VWA3A: variants seen among roughly 807,000 people sequenced by gnomAD.
VWA3A encodes von Willebrand factor A domain-containing protein 3A.
A neutral mutation model predicts 160.4 loss-of-function variants in VWA3A; 134 were observed. The observed-to-expected ratio is 0.84, with a 90% CI of 0.73 to 0.96. VWA3A has a LOEUF of 0.96. Among genes scored for constraint, VWA3A ranks in the 40% least tolerant of loss-of-function variants. The pLI is 0.00. For missense variants in VWA3A, 1,310 were observed against 1,447.9 expected (o/e 0.90, Z 1.55); for synonymous variants, 476 against 543.4 (o/e 0.88, Z 1.72).
chr16:22,104,960 A>G (rs796100487), intron 6 of VWA3A, among the ~76,000 whole-genome samples: 1 of 151,698 alleles, frequency 6.6e-6, no homozygotes, highest in African/African-American at 2.4e-5. Flanking sequence ...CCTACTCCCA[A>G]TCCCCACCTC....
intron 1 of VWA3A, among the ~76,000 whole-genome samples, chr16:22,093,870 C>T (rs527917943): frequency 2.0e-5 from 3 of 152,148 alleles, no homozygotes; most frequent in South Asian, 4.2e-4. Flanking sequence ...GCTCAAGTGA[C>T]CTGCCCACCC....
At chr16:22,150,015 T>C in intron 29 of VWA3A, 84 bp downstream of exon 29, 1 of 1,470,812 alleles carries the variant, frequency 6.8e-7, no homozygotes. Flanking sequence ...CTTTAGGATT[T>C]ACAAAGGGCG....
intron 24 of VWA3A, 66 bp from the exon 25 acceptor site, chr16:22,142,602 T>C (rs2046171281): frequency 7.8e-7 from 1 of 1,278,976 alleles, no homozygotes; most frequent in Non-Finnish European, 1.1e-6. Flanking sequence ...GGGGATCACA[T>C]TTCATGAGGT....
Position 22,092,556 on chromosome 16 carries a change from G to C in VWA3A, c.-82G>C. ...CTTCGCTGCTGAGTTGCTTGGAGGAGCTTGGAGAAACCAGAAGTGAGATCC... is the reference window on the plus strand; with the variant it reads ...CTTCGCTGCTGAGTTGCTTGGAGGACCTTGGAGAAACCAGAAGTGAGATCC... On this transcript the variant is annotated 5_prime_UTR_variant, in exon 1 of 34. Transcript: ENST00000389398. 1 of 1,531,380 alleles carries C rather than the reference G, an allele frequency of 6.5e-7. No individual in the cohort carries two copies. Among genetic ancestry groups the C allele is most frequent in the Non-Finnish European group, 8.8e-7 (1 of 1,133,048 alleles). 94.9% of individuals were successfully genotyped at this position (1,531,380 alleles called of 1,614,324 possible).
At position 22,115,361 on chromosome 16, in the gene VWA3A, A is replaced by C; in HGVS notation, c.704A>C (p.Lys235Thr). 6.3e-7 allele frequency: 1 copy of C among 1,597,788 alleles called. No homozygotes were observed. The highest frequency in any genetic ancestry group is 8.5e-7 in the Non-Finnish European group (1 of 1,172,210). Residue 235 changes from lysine (K) to threonine (T), a missense_variant, in exon 9 of 34, where the codon AAG becomes ACG. Physicochemically the swap from Lys to Thr is moderately conservative, Grantham distance 78. Transcript: ENST00000389398. ...EVSASTLQEL[K>T]LWVKTLQPDG... ...TCTCCTCCCAGCCTCCAGGAACTTA[A>C]GCTCTGGGTAAAGACGCTGCAGCCT...
chr16:22,131,394 C>G, intron 18 of VWA3A, 115 bp downstream of exon 18: 3 of 1,428,472 alleles, frequency 2.1e-6, no homozygotes, highest in Non-Finnish European at 2.9e-6. Context: ...TGACCCCAAA[C>G]AGCCATGGGC....
At chr16:22,131,018 G>C (rs927937992) in intron 17 of VWA3A, among the ~76,000 whole-genome samples, 187 bp from the exon 18 acceptor site, 2 of 152,194 alleles carry the variant, frequency 1.3e-5, no homozygotes, top group Admixed American at 1.3e-4. Context: ...ACTGTGTCTT[G>C]GCTGAAGTAT....
intron 31 of VWA3A, among the ~76,000 whole-genome samples, chr16:22,153,738 ATTTTTT>A (rs66519465): frequency 1.5e-5 from 2 of 132,568 alleles, no homozygotes; most frequent in Non-Finnish European, 3.1e-5. Flanking sequence ...ACATGGCATA[ATTTTTT>A]TTTTTTTTTT....
chr16:22,148,290 C>T lies in VWA3A; in HGVS notation c.2968C>T (p.Arg990Trp), dbSNP rs762549262. Residue 990 changes from arginine (R) to tryptophan (W), a missense_variant, in exon 28 of 34, where the codon CGG (arginine) becomes TGG (tryptophan). By Grantham distance (101) the Arg-to-Trp change is moderately radical. Transcript: ENST00000389398. ...GGTTTTGCTGATTTGGGAACAGCTG[C>T]GGAAGTGCTGTGACAGGTAGGAGGC... ...ELVLLIWEQLRKCCDSFNLLS... is the reference protein window; with the variant it reads ...ELVLLIWEQLWKCCDSFNLLS... 36 of 1,595,976 alleles carry T rather than the reference C, an allele frequency of 2.3e-5. No individual in the cohort carries two copies. The highest frequency in any genetic ancestry group is 9.4e-5 in the African/African-American group (7 of 74,578).
chr16:22,094,187 T>C (rs916665412), intron 1 of VWA3A, among the ~76,000 whole-genome samples: 1 of 152,134 alleles, frequency 6.6e-6, no homozygotes, highest in Non-Finnish European at 1.5e-5. Flanking sequence ...TCTGAATTCA[T>C]TAAGAGCTGT....
intron 17 of VWA3A, among the ~76,000 whole-genome samples, chr16:22,128,232 C>A (rs977640840): frequency 2.6e-5 from 4 of 152,132 alleles, no homozygotes; most frequent in Admixed American, 2.6e-4. Flanking sequence ...AAGCAAGGTA[C>A]AAATACAATC....
intron 19 of VWA3A, among the ~76,000 whole-genome samples, chr16:22,132,440 T>G (rs1008076749): frequency 5.9e-5 from 9 of 151,478 alleles, no homozygotes; most frequent in Non-Finnish European, 1.3e-4. Flanking sequence ...CACAGCTACT[T>G]AGGAGGCTGA....
intron 6 of VWA3A, among the ~76,000 whole-genome samples, chr16:22,107,479 T>G (rs2045497835): frequency 6.6e-6 from 1 of 152,168 alleles, no homozygotes; most frequent in South Asian, 2.1e-4. Context: ...CGATGGCTCA[T>G]GGCTGCAATC....
intron 25 of VWA3A, 120 bp downstream of exon 25, chr16:22,142,885 T>C: frequency 1.3e-6 from 1 of 748,584 alleles, no homozygotes; most frequent in South Asian, 1.6e-5. Context: ...GCACAGTGAC[T>C]CACACCTGTA....
At chr16:22,155,694 G>A (rs772553036) in intron 32 of VWA3A, 30 bp downstream of exon 32, 2 of 1,610,230 alleles carry the variant, frequency 1.2e-6, no homozygotes, top group East Asian at 4.5e-5. Flanking sequence ...TCTCCGGCCT[G>A]CCATGTGGCT....
chr16:22,120,857 C>T, intron 12 of VWA3A, 111 bp from the exon 13 acceptor site: 1 of 1,352,214 alleles, frequency 7.4e-7, no homozygotes, highest in East Asian at 2.5e-5. Context: ...TTTAATCTAC[C>T]AGGGAGTGTT....
rs573447959 is a variant in VWA3A at position 22,093,937 on chromosome 16, G to C, written c.14+1286G>C. On this transcript the variant is annotated intron_variant, in intron 1 of 33. Transcript: ENST00000389398. ...GCACTGCCATGCCCAGCTAATTTTT[G>C]TATTTTTTTTTTTTTTATATAGAGA... is the stretch of plus-strand genomic sequence containing the variant. 1.6e-4 allele frequency among the ~76,000 whole-genome samples: 21 copies of C among 127,554 alleles called. No individual in the cohort carries two copies. In the South Asian group the frequency reaches 4.6e-3, roughly 28 times the overall value. 83.7% of individuals were successfully genotyped at this position (127,554 alleles called of 152,430 possible). A position where few individuals can be genotyped will look rare whatever the true frequency, so the allele number is the denominator to read the frequency against.
intron 1 of VWA3A, among the ~76,000 whole-genome samples, chr16:22,095,549 T>A (rs1049758263): frequency 6.6e-6 from 1 of 152,058 alleles, no homozygotes; most frequent in Non-Finnish European, 1.5e-5. Context: ...ACATTGGATT[T>A]GGGTGTGGAT....
At chr16:22,097,733 C>A in intron 3 of VWA3A, 38 bp downstream of exon 3, 1 of 1,549,444 alleles carries the variant, frequency 6.5e-7, no homozygotes, top group Non-Finnish European at 8.7e-7. Flanking sequence ...CGTGATACTA[C>A]AAATCATTCA....
Sources: allele counts gnomAD v4.1 joint callset (sites outside exome capture counted in the v4.1 genomes callset), GRCh38; gene constraint gnomAD v4.1.1; transcripts MANE v1.5; gene names NCBI Gene and HGNC (gene_info 2026-07-23, HGNC 2026-07-21).